The following DCST2 variants were observed in gnomAD, a reference collection of about 807,000 sequenced individuals.
DCST2 encodes DC-STAMP domain-containing protein 2.
DCST2 carries 64 observed loss-of-function variants against 81.8 expected under a neutral mutation model. The ratio of observed to expected loss-of-function variants is 0.78; its 90% CI spans 0.64 to 0.96. The LOEUF (loss-of-function observed/expected upper bound fraction) is 0.96. Among genes scored for constraint, DCST2 ranks in the 40% least tolerant of loss-of-function variants. The pLI is 0.00. For synonymous variants in DCST2, 354 were observed against 402.6 expected (o/e 0.88, Z 1.44); for missense variants, 945 against 1,001.4 (o/e 0.94, Z 0.76).
At chr1:155,031,038 A>T (rs1316373237) in intron 5 of DCST2, 131 bp downstream of exon 5, 1 of 983,798 alleles carries the variant, frequency 1.0e-6, no homozygotes, top group Non-Finnish European at 1.5e-6. Context: ...CTGGGTGATC[A>T]CTTGAGCCCC....
intron 11 of DCST2, among the ~76,000 whole-genome samples, 175 bp downstream of exon 11, chr1:155,024,294 TATA>T (rs1659837785): frequency 6.6e-6 from 1 of 152,086 alleles, no homozygotes; most frequent in African/African-American, 2.4e-5. Flanking sequence ...AAACTTAAAG[TATA>T]ATAATAATAA....
intron 2 of DCST2, 74 bp from the exon 3 acceptor site, chr1:155,032,842 A>C: frequency 1.4e-6 from 2 of 1,401,476 alleles, no homozygotes; most frequent in Non-Finnish European, 2.0e-6. Context: ...CCCCTTAAGC[A>C]GGGAGTAGAG....
chr1:155,029,364 A>G lies in DCST2; in HGVS notation c.1211T>C (p.Phe404Ser). The G allele has an allele frequency of 6.2e-7, 1 of 1,614,122 alleles. No individual in the cohort carries two copies. Among genetic ancestry groups the G allele is most frequent in the Non-Finnish European group, 8.5e-7 (1 of 1,180,010 alleles). The change falls in exon 8 of 15, where the codon TTT becomes TCT. Residue 404 changes from phenylalanine (F) to serine (S), a missense_variant. Coordinates refer to ENST00000368424, the MANE Select transcript of DCST2 (RefSeq NM_144622.3). ...SIFLSQWEKF[F>S]YILETFNLIR... ...AAGGTTGAAGGTCTCCAGAATGTAAAAAAACTTCTCCCATTGGGACAAGAA... is the reference window on the plus strand; with the variant it reads ...AAGGTTGAAGGTCTCCAGAATGTAAGAAAACTTCTCCCATTGGGACAAGAA...
Position 155,030,246 on chromosome 1 carries a change from G to A in DCST2, c.1020-5C>T. 2.5e-6 allele frequency: 4 copies of A among 1,614,062 alleles called. No individual in the cohort carries two copies. The highest frequency in any genetic ancestry group is 3.4e-6 in the Non-Finnish European group (4 of 1,179,994). ...CAATACCGGTAAAATAGGGCTCTGG[G>A]AAGGGGAGGTGGAGCACATGTGAGG... On this transcript the variant is annotated splice_polypyrimidine_tract_variant and splice_region_variant and intron_variant, in intron 6 of 14. Coordinates refer to ENST00000368424, the MANE Select transcript of DCST2 (RefSeq NM_144622.3).
At chr1:155,028,171 C>A (rs1443970748) in intron 8 of DCST2, among the ~76,000 whole-genome samples, 2 of 152,020 alleles carry the variant, frequency 1.3e-5, no homozygotes, top group Non-Finnish European at 2.9e-5. Context: ...GGTGATCTAC[C>A]CGCCTCATCC....
Position 155,030,116 on chromosome 1 carries a change from C to T in DCST2, c.1145G>A (p.Ser382Asn), listed in dbSNP as rs746460381. 28 of 1,614,036 alleles carry T rather than the reference C, an allele frequency of 1.7e-5. No homozygotes were observed. The highest frequency in any genetic ancestry group is 2.3e-5 in the Non-Finnish European group (27 of 1,180,020). The change falls in exon 7 of 15, where the codon AGT becomes AAT. Residue 382 changes from serine to asparagine, a missense_variant. Physicochemically the swap from Ser to Asn is conservative, Grantham distance 46. Coordinates refer to ENST00000368424, the MANE Select transcript of DCST2 (RefSeq NM_144622.3). The part of the protein sequence containing the change: ...TAGLPTVLPL[S>N]AHEARRYIPP... ...GATGTAGCGCCTGGCCTCGTGAGCA[C>T]TGAGCGGTAGCACTGTGGGCAGCCC...
At chr1:155,023,723 C>T in intron 12 of DCST2, 109 bp downstream of exon 12, 1 of 1,584,254 alleles carries the variant, frequency 6.3e-7, no homozygotes, top group Non-Finnish European at 8.6e-7. Flanking sequence ...GGGAGGGGCA[C>T]AAAAGATGAG....
At position 155,025,855 on chromosome 1, in the gene DCST2, ATTTTCTTTTT is replaced by A. The variant is rs1336344815; in HGVS notation, c.1611+437_1611+446del. 2.0e-5 allele frequency among the ~76,000 whole-genome samples: 3 copies of A among 149,844 alleles called. No individual in the cohort carries two copies. In the East Asian group the frequency reaches 5.9e-4, roughly 30 times the overall value. Reference sequence around the variant, plus strand: ...CACACACCACCATGCCTGGCGTTTTATTTTCTTTTTTTTTCTTTCTTTCTTTTTTTTTTAA... The same window carrying A: ...CACACACCACCATGCCTGGCGTTTTATTTTCTTTCTTTCTTTTTTTTTTAA... On this transcript the variant is annotated intron_variant, in intron 10 of 14. Coordinates refer to ENST00000368424, the MANE Select transcript of DCST2 (RefSeq NM_144622.3).
rs979091152 is a variant in DCST2, at chr1:155,030,543, T to C, written c.908A>G (p.Gln303Arg). ...VDLNASRSLS[Q>R]VAMDLHEAVS... ...AGCCTCGTGGAGGTCCATGGCTACC[T>C]GGGACAGGCTCCGAGAGGCATTGAG... Residue 303 changes from glutamine to arginine, a missense_variant, in exon 6 of 15, where the codon CAG becomes CGG. Transcript: ENST00000368424. 2.5e-6 allele frequency: 4 copies of C among 1,614,036 alleles called. No homozygotes were observed. In the African/African-American group the frequency reaches 4.0e-5, roughly 16 times the overall value.
At chr1:155,032,936 G>A (rs1322318638) in intron 2 of DCST2, among the ~76,000 whole-genome samples, 158 bp downstream of exon 2, 2 of 152,310 alleles carry the variant, frequency 1.3e-5, no homozygotes, top group Admixed American at 1.3e-4. Flanking sequence ...AGGCCAGAGA[G>A]CAAGGAGAGA....
chr1:155,033,070 C>A, intron 2 of DCST2, 24 bp downstream of exon 2: 1 of 1,528,588 alleles, frequency 6.5e-7, no homozygotes, highest in Non-Finnish European at 8.8e-7. Flanking sequence ...CCGTGGGAGA[C>A]AGTGGTAGAG....
At chr1:155,031,428 C>CAAAAA in intron 4 of DCST2, 146 bp downstream of exon 4, 1 of 978,428 alleles carries the variant, frequency 1.0e-6, no homozygotes, top group Non-Finnish European at 1.5e-6. Flanking sequence ...CCCCCACCCC[C>CAAAAA]AATACTGGTC....
chr1:155,023,293 T>A, intron 13 of DCST2, 36 bp from the exon 14 acceptor site: 1 of 1,613,778 alleles, frequency 6.2e-7, no homozygotes, highest in Non-Finnish European at 8.5e-7. Flanking sequence ...CCTGCAGACA[T>A]CCTGGGAGAA....
chr1:155,022,480 C>T (rs1333942534), intron 14 of DCST2, among the ~76,000 whole-genome samples: 2 of 152,166 alleles, frequency 1.3e-5, no homozygotes, highest in East Asian at 1.9e-4. Flanking sequence ...CCCATAATCC[C>T]AGCACTTTGG....
At chr1:155,019,144 C>T (rs903359970) in intron 14 of DCST2, among the ~76,000 whole-genome samples, 6 of 152,198 alleles carry the variant, frequency 3.9e-5, no homozygotes, top group East Asian at 1.9e-4. Flanking sequence ...TGACCTCTAC[C>T]GCCCCATTCA....
intron 10 of DCST2, among the ~76,000 whole-genome samples, chr1:155,026,052 C>A (rs902356800): frequency 3.1e-4 from 47 of 151,628 alleles, no homozygotes; most frequent in African/African-American, 9.9e-4. Context: ...CCCCTCAACA[C>A]CCCTGTGATT....
rs747637806 is a variant in DCST2, at chr1:155,026,674, C to T, written c.1384G>A (p.Ala462Thr). ...VSLTVEGTGY[A>T]GNIYRDLVSA... ...ACCAGGTCACGATAAATATTCCCAGCGTAGCCAGTACCTTCCACGGTTAGA... is the reference window on the plus strand; with the variant it reads ...ACCAGGTCACGATAAATATTCCCAGTGTAGCCAGTACCTTCCACGGTTAGA... The change falls in exon 9 of 15, where the codon GCT becomes ACT. Residue 462 changes from alanine to threonine, a missense_variant. Physicochemically the swap from Ala to Thr is moderately conservative, Grantham distance 58 (BLOSUM62 0). Transcript: ENST00000368424. The T allele has an allele frequency of 2.1e-5, 34 of 1,614,094 alleles. No homozygotes were observed. The highest frequency in any genetic ancestry group is 3.3e-5 in the Admixed American group (2 of 60,006).
At chr1:155,022,627 T>G (rs904086186) in intron 14 of DCST2, among the ~76,000 whole-genome samples, 1 of 152,082 alleles carries the variant, frequency 6.6e-6, no homozygotes, top group East Asian at 1.9e-4. Context: ...GTTCCTGACA[T>G]CCCAGCTACC....
intron 14 of DCST2, 147 bp downstream of exon 14, chr1:155,022,970 G>A (rs936906125): frequency 8.3e-5 from 108 of 1,294,680 alleles, no homozygotes; most frequent in Non-Finnish European, 1.1e-4. Flanking sequence ...CAGAGCAGCC[G>A]CTTGGCAAAC....
Sources: allele counts gnomAD v4.1 joint callset (sites outside exome capture counted in the v4.1 genomes callset), GRCh38; gene constraint gnomAD v4.1.1; transcripts MANE v1.5; gene names NCBI Gene and HGNC (gene_info 2026-07-23, HGNC 2026-07-21).